The following GRM4 variants were observed in gnomAD, a reference collection of about 807,000 sequenced individuals.
GRM4 encodes the protein metabotropic glutamate receptor 4.
Under a neutral mutation model 81.7 loss-of-function variants are expected in GRM4, and 28 were observed. The ratio of observed to expected loss-of-function variants is 0.34; its 90% CI spans 0.25 to 0.47. GRM4 has a LOEUF of 0.47. Ranked by LOEUF, GRM4 falls within the 20% of genes least tolerant of loss-of-function variation. The pLI is 1.00. For missense variants in GRM4, 948 were observed against 1,290.0 expected (o/e 0.73, Z 4.06); for synonymous variants, 488 against 528.8 (o/e 0.92, Z 1.06).
At chr6:34,103,517 C>T (rs1768953250) in intron 2 of GRM4, 4 of 1,315,190 alleles carry the variant, frequency 3.0e-6, no homozygotes, top group Admixed American at 2.0e-5. Context: ...AGAGCAAACG[C>T]GATCCTCAAA....
In GRM4 at chr6:34,020,477, AC is replaced by A. The variant is rs1763830672; in HGVS notation, c.*2343del. On this transcript the variant is annotated 3_prime_UTR_variant, in exon 11 of 11. Coordinates refer to ENST00000538487, the MANE Select transcript of GRM4 (RefSeq NM_000841.4). ...CCAGGATGGGGGTGCTGCCAGAGTC[AC>A]CCTGGGGGAGAGCTGGCTGCACCCG... is the stretch of plus-strand genomic sequence containing the variant. 1 of 151,926 alleles carries A rather than the reference AC, an allele frequency of 6.6e-6. No homozygotes were observed. The highest frequency in any genetic ancestry group is 1.5e-5 in the Non-Finnish European group (1 of 68,000). The allele number at this position is 151,926 out of a possible 1,614,324, so 9.4% of individuals were successfully genotyped here. A position where few individuals can be genotyped will look rare whatever the true frequency, so the allele number is the denominator to read the frequency against.
intron 1 of GRM4, among the ~76,000 whole-genome samples, chr6:34,154,298 C>T (rs927292044): frequency 2.0e-5 from 3 of 152,224 alleles, no homozygotes; most frequent in Non-Finnish European, 4.4e-5. Flanking sequence ...CGACCCCAGC[C>T]CAGCCCAGCC....
rs118009810 is a variant in GRM4, at chr6:34,088,754, G to A, written c.736+3129C>T. On this transcript the variant is annotated intron_variant, in intron 3 of 10. Transcript: ENST00000538487. ...AATGGGAAAAAAACACCTAGCCCAC[G>A]GGTGTTTCACCTAGCCACATGGTTA... Among the ~76,000 whole-genome samples, 1,105 of 152,316 alleles carry A rather than the reference G, an allele frequency of 7.3e-3. 7 individuals are homozygous for A. Among genetic ancestry groups the A allele is most frequent in the South Asian group, 0.014 (67 of 4,822 alleles).
chr6:34,047,311 T>G lies in GRM4; in HGVS notation c.1169-6563A>C, dbSNP rs1765405218. Reference sequence around the variant, plus strand: ...TCTCCCCACTCCTTCCCCACCAACATGCGATGGGCGAGGGATGCCCACCGC... The same window carrying G: ...TCTCCCCACTCCTTCCCCACCAACAGGCGATGGGCGAGGGATGCCCACCGC... On this transcript the variant is annotated intron_variant, in intron 6 of 10. Transcript: ENST00000538487. The surrounding 1 kb of genome is among the most constrained non-coding windows in gnomAD (Gnocchi z 4.5). Among the ~76,000 whole-genome samples the G allele has an allele frequency of 6.6e-6, 1 of 152,064 alleles. No individual in the cohort carries two copies. Among genetic ancestry groups the G allele is most frequent in the Admixed American group, 6.5e-5 (1 of 15,270 alleles).
chr6:34,103,770 G>A, intron 2 of GRM4: 2 of 1,457,754 alleles, frequency 1.4e-6, no homozygotes, highest in East Asian at 5.0e-5. Flanking sequence ...GTGTGACCTT[G>A]GGCAAGTCAC....
intron 2 of GRM4, among the ~76,000 whole-genome samples, chr6:34,122,780 G>A (rs1278130365): frequency 6.6e-6 from 1 of 150,742 alleles, no homozygotes; most frequent in Non-Finnish European, 1.5e-5. Flanking sequence ...GGCACTGGAA[G>A]TAGGGGGGGA....
intron 6 of GRM4, among the ~76,000 whole-genome samples, chr6:34,051,323 C>T (rs1400123704): frequency 6.6e-6 from 1 of 152,206 alleles, no homozygotes; most frequent in Non-Finnish European, 1.5e-5. Context: ...TGGAACAGAG[C>T]TTGACAATTA....
rs776448925 is a variant in GRM4 at position 34,059,090 on chromosome 6, C to G, written c.911G>C (p.Gly304Ala). 4 of 1,613,790 alleles carry G rather than the reference C, an allele frequency of 2.5e-6. No individual in the cohort carries two copies. In the African/African-American group the frequency reaches 4.0e-5, roughly 16 times the overall value. ...GTCAGAGCCCATCCAGAAGAAATGG[C>G]CTGTCTGGTTGGCCCTTCGTGCTGC... ...LEAARRANQT[G>A]HFFWMGSDSW... The change falls in exon 5 of 11, where the codon GGC becomes GCC. Residue 304 changes from glycine to alanine, a missense_variant. Coordinates refer to ENST00000538487, the MANE Select transcript of GRM4 (RefSeq NM_000841.4). The surrounding 1 kb of genome is among the most constrained non-coding windows in gnomAD (Gnocchi z 5.7).
chr6:34,028,056 C>T, intron 10 of GRM4, 64 bp downstream of exon 10: 1 of 1,522,232 alleles, frequency 6.6e-7, no homozygotes, highest in Non-Finnish European at 8.9e-7. Flanking sequence ...AGGAGCTCAG[C>T]CCACCTGCTG....
Position 34,120,955 on chromosome 6 carries a change from A to C in GRM4, c.519+12023T>G, listed in dbSNP as rs1162097059. On this transcript the variant is annotated intron_variant, in intron 2 of 10. Coordinates refer to ENST00000538487, the MANE Select transcript of GRM4 (RefSeq NM_000841.4). ...TACTGGAAGATATCAATATGTGGCC[A>C]GGTCTTGGGTACAGGCTAATTCATT... is the stretch of plus-strand genomic sequence containing the variant. Among the ~76,000 whole-genome samples the C allele has an allele frequency of 3.9e-5, 6 of 152,328 alleles. No homozygotes were observed. The East Asian group carries it at 1.2e-3, about 29-fold the overall frequency.
intron 9 of GRM4, among the ~76,000 whole-genome samples, chr6:34,031,680 C>T (rs560893261): frequency 1.3e-5 from 2 of 152,314 alleles, no homozygotes; most frequent in Non-Finnish European, 2.9e-5. Context: ...GGAGAAAGCC[C>T]GCTCAGTGTA....
intron 2 of GRM4, among the ~76,000 whole-genome samples, chr6:34,109,694 G>A (rs1316714840): frequency 2.0e-5 from 3 of 152,038 alleles, no homozygotes; most frequent in Admixed American, 6.5e-5. Flanking sequence ...TACCCTCTAC[G>A]GTGTCCCTGA....
intron 8 of GRM4, among the ~76,000 whole-genome samples, chr6:34,039,024 C>G (rs1394201839): frequency 6.6e-6 from 1 of 152,204 alleles, no homozygotes; most frequent in Admixed American, 6.5e-5. Context: ...CCCCCGTGCT[C>G]TGCCCACTGC....
At position 34,022,791 on chromosome 6, in the gene GRM4, C is replaced by T. The variant is rs1250311740; in HGVS notation, c.*30G>A. 1.2e-6 allele frequency: 2 copies of T among 1,603,668 alleles called. No homozygotes were observed. The highest frequency in any genetic ancestry group is 1.7e-6 in the Non-Finnish European group (2 of 1,170,578). ...CGCACCTTCCACAGGGTCACGGCTCCTCCTCCTGCTGCTCAGCTCCATGGA... is the reference window on the plus strand; with the variant it reads ...CGCACCTTCCACAGGGTCACGGCTCTTCCTCCTGCTGCTCAGCTCCATGGA... On this transcript the variant is annotated 3_prime_UTR_variant, in exon 11 of 11. Transcript: ENST00000538487. This position sits in a 1 kb window ranked among gnomAD's most constrained non-coding sequence, Gnocchi z 5.6.
chr6:34,073,266 CACGTCA>C (rs1767107958), intron 3 of GRM4, among the ~76,000 whole-genome samples: 64 of 43,766 alleles, frequency 1.5e-3, no homozygotes, highest in Middle Eastern at 0.01. Flanking sequence ...ACATAGATAC[CACGTCA>C]CCACACAGAT....
chr6:34,155,614 G>T (rs9380410), exon 1 of GRM4: 206,427 of 442,556 alleles, frequency 0.47, 52,030 homozygotes, highest in Middle Eastern at 0.59. Flanking sequence ...CCAGCAAAGC[G>T]CTGGGATTAC....
At chr6:34,073,154 CAG>C (rs1767088341) in intron 3 of GRM4, among the ~76,000 whole-genome samples, 1 of 28,688 alleles carries the variant, frequency 3.5e-5, no homozygotes, top group African/African-American at 1.4e-4. Flanking sequence ...CACATCACCA[CAG>C]ACACACACCC....
exon 1 of GRM4, chr6:34,155,207 C>T: frequency 6.5e-7 from 1 of 1,535,754 alleles, no homozygotes; most frequent in Non-Finnish European, 8.7e-7. Context: ...AGGGAGGGGC[C>T]TCTTGTGCGC....
At chr6:34,124,536 T>A (rs1403860278) in intron 2 of GRM4, among the ~76,000 whole-genome samples, 1 of 152,200 alleles carries the variant, frequency 6.6e-6, no homozygotes, top group East Asian at 1.9e-4. Context: ...GCTTCCTGCG[T>A]GATAAAGTTC....
Sources: allele counts gnomAD v4.1 joint callset (sites outside exome capture counted in the v4.1 genomes callset), GRCh38; gene constraint gnomAD v4.1.1; non-coding constraint Gnocchi (gnomAD v3.1); transcripts MANE v1.5; gene names NCBI Gene and HGNC (gene_info 2026-07-23, HGNC 2026-07-21).